Variants in MAP4K3 observed in about 807,000 individuals in gnomAD.
The protein encoded by MAP4K3 is mitogen-activated protein kinase kinase kinase kinase 3.
In MAP4K3, 94 loss-of-function variants were observed where a neutral mutation model predicts 143.5. The observed-to-expected ratio is 0.65, with a 90% CI of 0.55 to 0.78. The LOEUF (loss-of-function observed/expected upper bound fraction) is 0.78, where lower values mean the gene tolerates loss of function less well. Ranked by LOEUF, MAP4K3 falls within the 30% of genes least tolerant of loss-of-function variation. MAP4K3 has a pLI of 0.00. For synonymous variants in MAP4K3, 416 were observed against 347.2 expected (o/e 1.20, Z -2.20); for missense variants, 1,077 against 1,068.1 (o/e 1.01, Z -0.12).
chr2:39,324,014 A>C (rs566618542), intron 12 of MAP4K3, among the ~76,000 whole-genome samples: 36 of 152,304 alleles, frequency 2.4e-4, no homozygotes, highest in African/African-American at 8.4e-4. Context: ...TTACAGTCCC[A>C]TACTACCATG....
chr2:39,251,797 G>C, intron 33 of MAP4K3, 33 bp downstream of exon 33: 6 of 1,560,680 alleles, frequency 3.8e-6, no homozygotes, highest in Non-Finnish European at 5.3e-6. Flanking sequence ...AACACGTTTA[G>C]TACTGTGTAT....
At chr2:39,402,826 G>C (rs957179816) in intron 1 of MAP4K3, among the ~76,000 whole-genome samples, 12 of 150,790 alleles carry the variant, frequency 8.0e-5, no homozygotes, top group African/African-American at 2.9e-4. Flanking sequence ...AAAAAAAAAA[G>C]GGAGAAGACA....
chr2:39,418,995 T>C (rs1020652940), intron 1 of MAP4K3, among the ~76,000 whole-genome samples: 4 of 152,204 alleles, frequency 2.6e-5, no homozygotes, highest in Non-Finnish European at 5.9e-5. Flanking sequence ...TTGTGCCAAA[T>C]GTACCATGGT....
intron 6 of MAP4K3, 40 bp downstream of exon 6, chr2:39,336,880 A>T: frequency 1.1e-6 from 1 of 890,430 alleles, no homozygotes; most frequent in Non-Finnish European, 1.7e-6. Context: ...AGTATTTAAA[A>T]ATGAAGAGAG....
intron 24 of MAP4K3, among the ~76,000 whole-genome samples, chr2:39,276,043 T>C (rs1388344227): frequency 1.3e-5 from 2 of 152,070 alleles, no homozygotes; most frequent in African/African-American, 4.8e-5. Context: ...TGGCTAATTT[T>C]TGTATTTTTA....
At chr2:39,384,213 C>T (rs7582160) in intron 1 of MAP4K3, among the ~76,000 whole-genome samples, 145,918 of 152,266 alleles carry the variant, frequency 0.96, 70,257 homozygotes, top group East Asian at 1. Flanking sequence ...TTATCGACAA[C>T]TTGCTGATCC....
rs184285405 is a variant in MAP4K3, at chr2:39,288,733, A to G, written c.1315-453T>C. On this transcript the variant is annotated intron_variant, in intron 19 of 33. Transcript: ENST00000263881. The stretch of plus-strand genomic sequence containing the variant: ...ATGGTAATGCTTAATCTTTCAGACC[A>G]GGGGCATGAGAGGATACCAATTAAA... 7.8e-3 allele frequency among the ~76,000 whole-genome samples: 1,182 copies of G among 152,334 alleles called. 8 individuals are homozygous for G. Among genetic ancestry groups the G allele is most frequent in the Non-Finnish European group, 0.012 (808 of 68,026 alleles).
At chr2:39,410,829 C>T (rs867508623) in intron 1 of MAP4K3, among the ~76,000 whole-genome samples, 8 of 152,078 alleles carry the variant, frequency 5.3e-5, no homozygotes, top group African/African-American at 1.4e-4. Flanking sequence ...AAAGGATATA[C>T]GGTACAATGA....
rs1381283987 is a variant in MAP4K3 at position 39,286,834 on chromosome 2, A to T, written c.1587+18T>A. 2 of 1,505,282 alleles carry T rather than the reference A, an allele frequency of 1.3e-6. No individual in the cohort carries two copies. The highest frequency in any genetic ancestry group is 9.1e-7 in the Non-Finnish European group (1 of 1,101,908). 93.2% of individuals were successfully genotyped at this position (1,505,282 alleles called of 1,614,324 possible). ...AAGGAAACAAATACAAGTAGAACTT[A>T]TGACTATCAATACCTACTGGTACAT... On this transcript the variant is annotated intron_variant, in intron 21 of 33. Transcript: ENST00000263881.
At chr2:39,332,357 T>C (rs751035544) in intron 7 of MAP4K3, among the ~76,000 whole-genome samples, 2 of 152,048 alleles carry the variant, frequency 1.3e-5, no homozygotes, top group Non-Finnish European at 2.9e-5. Flanking sequence ...GGAAGGGATC[T>C]TTAAGAGACA....
At chr2:39,302,599 T>C (rs1005822191) in intron 15 of MAP4K3, among the ~76,000 whole-genome samples, 8 of 152,160 alleles carry the variant, frequency 5.3e-5, no homozygotes, top group African/African-American at 1.9e-4. Context: ...ATCAGAAAAA[T>C]GCTACCAAAA....
chr2:39,302,526 T>C (rs1254071365), intron 15 of MAP4K3, among the ~76,000 whole-genome samples: 3 of 152,208 alleles, frequency 2.0e-5, no homozygotes, highest in Non-Finnish European at 4.4e-5. Context: ...TATATGTCGT[T>C]GGGGCAGTCT....
At chr2:39,337,326 T>TATC (rs1364716597) in intron 5 of MAP4K3, among the ~76,000 whole-genome samples, 200 bp downstream of exon 5, 1 of 152,178 alleles carries the variant, frequency 6.6e-6, no homozygotes, top group Admixed American at 6.5e-5. Context: ...TTTTAGGTTA[T>TATC]ATCATCACAT....
At chr2:39,315,550 C>A (rs1466326447) in intron 12 of MAP4K3, 162 bp from the exon 13 acceptor site, 6 of 540,602 alleles carry the variant, frequency 1.1e-5, no homozygotes, top group Non-Finnish European at 2.0e-5. Flanking sequence ...ACCACAATAG[C>A]AGCTCAAACT....
chr2:39,409,222 T>G (rs958389595), intron 1 of MAP4K3, among the ~76,000 whole-genome samples: 2 of 152,194 alleles, frequency 1.3e-5, no homozygotes, highest in South Asian at 2.1e-4. Context: ...CTTACTATAT[T>G]GTAAGAATAT....
At chr2:39,355,120 T>C (rs1191014617) in intron 3 of MAP4K3, among the ~76,000 whole-genome samples, 3 of 152,066 alleles carry the variant, frequency 2.0e-5, no homozygotes, top group Non-Finnish European at 4.4e-5. Context: ...ATCCCGGCAC[T>C]ATGGGAGGCT....
intron 24 of MAP4K3, among the ~76,000 whole-genome samples, chr2:39,274,330 C>T (rs1375059964): frequency 6.6e-6 from 1 of 151,842 alleles, no homozygotes; most frequent in African/African-American, 2.4e-5. Flanking sequence ...CCTTCTCCTG[C>T]CTCAGCCTCC....
chr2:39,380,230 G>A (rs1215999456), intron 1 of MAP4K3, among the ~76,000 whole-genome samples: 1 of 151,958 alleles, frequency 6.6e-6, no homozygotes, highest in Non-Finnish European at 1.5e-5. Context: ...CACAAAAAGG[G>A]GAAAACAGAC....
chr2:39,343,094 C>T (rs1362377361), intron 4 of MAP4K3, among the ~76,000 whole-genome samples: 1 of 152,138 alleles, frequency 6.6e-6, no homozygotes, highest in African/African-American at 2.4e-5. Context: ...ACCAGCTTAG[C>T]ATTAGCCAGC....
Sources: allele counts gnomAD v4.1 joint callset (sites outside exome capture counted in the v4.1 genomes callset), GRCh38; gene constraint gnomAD v4.1.1; transcripts MANE v1.5; gene names NCBI Gene and HGNC (gene_info 2026-07-23, HGNC 2026-07-21).